Variants in CAPS2 observed in about 807,000 individuals in gnomAD.
CAPS2 encodes calcyphosine 2.
CAPS2 carries 98 observed loss-of-function variants against 86.5 expected under a neutral mutation model. That is an observed-to-expected ratio of 1.13 (90% CI 0.96 to 1.34). The LOEUF (loss-of-function observed/expected upper bound fraction) is 1.34, where lower values mean the gene tolerates loss of function less well. CAPS2 is among the 40% of genes most tolerant of loss of function. The probability of loss-of-function intolerance (pLI) is 0.00; values close to 1 mark genes in which losing one functional copy is unlikely to be tolerated. For missense variants in CAPS2, 729 were observed against 686.8 expected (o/e 1.06, Z -0.69); for synonymous variants, 210 against 225.1 (o/e 0.93, Z 0.60).
upstream of CAPS2, chr12:75,334,677 C>G (rs1248615550): frequency 6.3e-6 from 10 of 1,575,962 alleles, no homozygotes; most frequent in East Asian, 2.3e-5. Context: ...GTTGCCCCAG[C>G]CGTTACTGGT....
At chr12:75,346,321 T>G (rs2042442313) in intron 1 of CAPS2, among the ~76,000 whole-genome samples, 1 of 152,224 alleles carries the variant, frequency 6.6e-6, no homozygotes, top group Non-Finnish European at 1.5e-5. Context: ...TCTCATTTCA[T>G]TAAGTGGGAA....
In CAPS2 at chr12:75,352,878, C is replaced by T. The variant is rs866849968; in HGVS notation, c.-394-29656G>A. On this transcript the variant is annotated intron_variant, in intron 1 of 5. Coordinates refer to the CAPS2 transcript ENST00000551829. ...ACACAACTACATGGAAATTGAGCAA[C>T]CTGCTCTTGAATGACTCCTGGGTAA... Among the ~76,000 whole-genome samples, 23 of 152,260 alleles carry T rather than the reference C, an allele frequency of 1.5e-4. 1 individual carries two copies. The South Asian group carries it at 1.9e-3, about 12-fold the overall frequency.
intron 1 of CAPS2, among the ~76,000 whole-genome samples, chr12:75,355,072 A>T (rs2043062713): frequency 6.6e-6 from 1 of 152,228 alleles, no homozygotes; most frequent in Admixed American, 6.5e-5. Flanking sequence ...AGGCATGGGC[A>T]AACGTTTCAA....
At chr12:75,296,545 G>A (rs1221753835) in intron 11 of CAPS2, among the ~76,000 whole-genome samples, 1 of 152,134 alleles carries the variant, frequency 6.6e-6, no homozygotes, top group African/African-American at 2.4e-5. Context: ...GCCCCCCTCG[G>A]CCTCCCAAAG....
At chr12:75,370,106 C>T (rs533449405) in intron 1 of CAPS2, 42 of 1,605,266 alleles carry the variant, frequency 2.6e-5, no homozygotes, top group Middle Eastern at 1.7e-4. Flanking sequence ...CTGAAGCCAA[C>T]GGGGAGAGCA....
At chr12:75,318,436 C>T (rs1425307820) in intron 5 of CAPS2, among the ~76,000 whole-genome samples, 1 of 152,130 alleles carries the variant, frequency 6.6e-6, no homozygotes, top group Non-Finnish European at 1.5e-5. Context: ...CCTCCCTTGG[C>T]TTGCGTGGCG....
At chr12:75,306,517 G>C (rs1434620415) in intron 7 of CAPS2, among the ~76,000 whole-genome samples, 1 of 152,188 alleles carries the variant, frequency 6.6e-6, no homozygotes, top group Non-Finnish European at 1.5e-5. Context: ...GTTGTCATTT[G>C]GGTACTACTG....
At chr12:75,354,126 T>C (rs1231938287) in intron 1 of CAPS2, among the ~76,000 whole-genome samples, 2 of 135,132 alleles carry the variant, frequency 1.5e-5, no homozygotes, top group Non-Finnish European at 3.1e-5. Context: ...CAACATAGTA[T>C]TGGAAGTTCT....
At chr12:75,363,461 G>A (rs1227090025) in intron 1 of CAPS2, among the ~76,000 whole-genome samples, 2 of 152,078 alleles carry the variant, frequency 1.3e-5, no homozygotes, top group African/African-American at 2.4e-5. Context: ...ATAACTATGG[G>A]TTGAAATGCT....
chr12:75,304,646 A>T, intron 8 of CAPS2, 111 bp downstream of exon 8: 1 of 803,836 alleles, frequency 1.2e-6, no homozygotes. Flanking sequence ...TTTTCTTTAT[A>T]TAGAAAAAAG....
chr12:75,323,387 T>C (rs2040479357), intron 2 of CAPS2, among the ~76,000 whole-genome samples, 165 bp from the exon 4 acceptor site: 1 of 152,114 alleles, frequency 6.6e-6, no homozygotes, highest in Non-Finnish European at 1.5e-5. Context: ...AATTTTTAAC[T>C]GGTTGTTAAA....
chr12:75,388,905 T>C (rs1209617760), intron 1 of CAPS2, among the ~76,000 whole-genome samples: 1 of 152,022 alleles, frequency 6.6e-6, no homozygotes, highest in Non-Finnish European at 1.5e-5. Flanking sequence ...ACATGAGAAA[T>C]CTCTGTACCT....
upstream of CAPS2, among the ~76,000 whole-genome samples, chr12:75,332,689 C>A (rs1016206212): frequency 3.3e-5 from 5 of 151,966 alleles, no homozygotes; most frequent in African/African-American, 1.2e-4. Context: ...TTTATTCGAC[C>A]AATTTTTATT....
At chr12:75,326,565 T>C (rs578103941), upstream of CAPS2, 1 of 871,706 alleles carries the variant, frequency 1.1e-6, no homozygotes, top group Non-Finnish European at 1.8e-6. Context: ...ATGGTAATTC[T>C]TACTCTAATT....
chr12:75,285,446 CATTT>C (rs1366506901), intron 14 of CAPS2, among the ~76,000 whole-genome samples: 4 of 151,822 alleles, frequency 2.6e-5, no homozygotes, highest in African/African-American at 7.2e-5. Flanking sequence ...AAATATTTAT[CATTT>C]ATTTGTGACA....
At chr12:75,329,537 G>A (rs1212716301), upstream of CAPS2, among the ~76,000 whole-genome samples, 2 of 149,430 alleles carry the variant, frequency 1.3e-5, no homozygotes, top group Admixed American at 1.3e-4. Context: ...ACTTCTCTCG[G>A]TAGTAATATT....
At chr12:75,361,632 T>A (rs139984973) in intron 1 of CAPS2, among the ~76,000 whole-genome samples, 2 of 152,290 alleles carry the variant, frequency 1.3e-5, no homozygotes, top group Non-Finnish European at 2.9e-5. Context: ...CTTACAATCA[T>A]GACAGAAGGT....
chr12:75,329,101 C>T (rs1477627829), upstream of CAPS2, among the ~76,000 whole-genome samples: 1 of 152,160 alleles, frequency 6.6e-6, no homozygotes, highest in Non-Finnish European at 1.5e-5. Context: ...ATTGCAGACC[C>T]GAATTCACAC....
upstream of CAPS2, chr12:75,334,967 T>C (rs2041622430): frequency 1.4e-6 from 2 of 1,453,226 alleles, no homozygotes. Flanking sequence ...GGGTGATAAA[T>C]TTCACGGACT....
Sources: gnomAD v4.1 joint callset for allele counts (sites outside exome capture counted in the v4.1 genomes callset) on GRCh38, gnomAD v4.1.1 for gene constraint, MANE v1.5 for transcripts, NCBI Gene and HGNC (gene_info 2026-07-23, HGNC 2026-07-21) for gene names.